Variants in IQGAP3 observed in about 807,000 individuals in gnomAD.
The protein encoded by IQGAP3 is ras GTPase-activating-like protein IQGAP3.
Under a neutral mutation model 208.2 loss-of-function variants are expected in IQGAP3, and 165 were observed. The ratio of observed to expected loss-of-function variants is 0.79; its 90% confidence interval spans 0.70 to 0.90. The LOEUF (loss-of-function observed/expected upper bound fraction) is 0.90, where lower values mean the gene tolerates loss of function less well. Among genes scored for constraint, IQGAP3 ranks in the 40% least tolerant of loss-of-function variants. The probability of loss-of-function intolerance (pLI) is 0.00; values close to 1 mark genes in which losing one functional copy is unlikely to be tolerated. For missense variants in IQGAP3, 1,811 were observed against 2,043.1 expected (o/e 0.89, Z 2.19); for synonymous variants, 703 against 803.6 (o/e 0.87, Z 2.12).
At chr1:156,550,521 C>T (rs1382588119) in intron 15 of IQGAP3, among the ~76,000 whole-genome samples, 170 bp from the exon 16 acceptor site, 1 of 152,156 alleles carries the variant, frequency 6.6e-6, no homozygotes, top group East Asian at 1.9e-4. Context: ...CATGTGGTTC[C>T]CTGGGACGCG....
chr1:156,552,737 C>T (rs1675614480), intron 13 of IQGAP3, among the ~76,000 whole-genome samples: 1 of 152,196 alleles, frequency 6.6e-6, no homozygotes, highest in Admixed American at 6.5e-5. Flanking sequence ...CCCTTGTACT[C>T]CTGCAGTCAG....
At position 156,548,634 on chromosome 1, in the gene IQGAP3, G is replaced by A. The variant is rs753891939; in HGVS notation, c.1940C>T (p.Ala647Val). The part of the protein sequence containing the change: ...VALRGVVPDC[A>V]NGYQRALESA... ...TTCCAGGGCTCGCTGGTAGCCGTTG[G>A]CACAGTCGGGAACTACCCCTCGAAG... Residue 647 changes from alanine (A) to valine (V), a missense_variant, in exon 17 of 38, where the codon GCC becomes GTC. Ala to Val is a moderately conservative substitution (Grantham distance 64, BLOSUM62 0). Transcript: ENST00000361170. 23 of 1,611,064 alleles carry A rather than the reference G, an allele frequency of 1.4e-5. No homozygotes were observed. The Admixed American group carries it at 2.5e-4, about 18-fold the overall frequency.
At chr1:156,528,256 G>A (rs1353909174) in intron 36 of IQGAP3, among the ~76,000 whole-genome samples, 196 bp from the exon 37 acceptor site, 2 of 151,964 alleles carry the variant, frequency 1.3e-5, no homozygotes, top group Admixed American at 6.6e-5. Context: ...TATCTGCCCC[G>A]CCCTACGCAG....
chr1:156,539,601 G>A, intron 24 of IQGAP3, 64 bp from the exon 25 acceptor site: 1 of 1,536,802 alleles, frequency 6.5e-7, no homozygotes, highest in Non-Finnish European at 9.0e-7. Context: ...GATAGGATAA[G>A]GAAAGGCTTT....
chr1:156,546,714 C>T lies in IQGAP3; in HGVS notation c.2304+1359G>A, dbSNP rs189356639. On this transcript the variant is annotated intron_variant, in intron 19 of 37. Coordinates refer to ENST00000361170, the MANE Select transcript of IQGAP3 (RefSeq NM_178229.5). ...TGCTAGAGAGGGCATAAGTAAGGTG[C>T]CCAATGTCATATGACCCAGAAGTGG... is the stretch of plus-strand genomic sequence containing the variant. Among the ~76,000 whole-genome samples the T allele has an allele frequency of 3.9e-3, 597 of 152,246 alleles. 3 individuals carry two copies. The highest frequency in any genetic ancestry group is 0.031 in the South Asian group (148 of 4,820).
chr1:156,538,909 G>A lies in IQGAP3; in HGVS notation c.3181C>T (p.Gln1061Ter). 1 of 1,614,132 alleles carries A rather than the reference G, an allele frequency of 6.2e-7. No individual in the cohort carries two copies. The highest frequency in any genetic ancestry group is 8.5e-7 in the Non-Finnish European group (1 of 1,180,008). ...AGCACTTTGTCTTCTAGCACATCCT[G>A]GATAACCTTGCCCAGAATCTCCTGC... ...ALQEILGKVI[Q>*]DVLEDKVLSV... The change falls in exon 26 of 38, where the codon CAG becomes TAG. Residue 1061 changes from glutamine to a stop codon, truncating the protein, a stop_gained. Coordinates refer to ENST00000361170, the MANE Select transcript of IQGAP3 (RefSeq NM_178229.5). LOFTEE classifies it high-confidence loss of function.
chr1:156,565,550 C>T (rs1676364101), intron 4 of IQGAP3, among the ~76,000 whole-genome samples: 1 of 152,214 alleles, frequency 6.6e-6, no homozygotes, highest in Non-Finnish European at 1.5e-5. Flanking sequence ...TGTGATCTTC[C>T]TGACAACACT....
In IQGAP3 at chr1:156,552,099, G is replaced by A. The variant is rs1484754223; in HGVS notation, c.1449-4C>T. ...TTTCAGCAGGGCATCGAAGTAACTG[G>A]CAGTGGGGTGAAGGGCAGAGAGGTG... On this transcript the variant is annotated splice_region_variant and splice_polypyrimidine_tract_variant and intron_variant, in intron 13 of 37. Transcript: ENST00000361170. 1 of 1,613,798 alleles carries A rather than the reference G, an allele frequency of 6.2e-7. No homozygotes were observed. The highest frequency in any genetic ancestry group is 2.2e-5 in the East Asian group (1 of 44,884).
intron 1 of IQGAP3, 69 bp from the exon 2 acceptor site, chr1:156,569,532 T>TTC (rs1676550296): frequency 1.5e-6 from 1 of 666,884 alleles, no homozygotes; most frequent in Admixed American, 3.7e-5. Context: ...AAGGGTCTTT[T>TTC]TTTTTTTTTT....
rs753851719 is a variant in IQGAP3 at position 156,550,356 on chromosome 1, C to G, written c.1735-5G>C. The G allele has an allele frequency of 6.2e-7, 1 of 1,611,618 alleles. No homozygotes were observed. Reference sequence around the variant, plus strand: ...AGCTCCAGGATCCCCTGTCACCTGGCAGATTGAGGGAGAAAAAAAAGATGT... The same window carrying G: ...AGCTCCAGGATCCCCTGTCACCTGGGAGATTGAGGGAGAAAAAAAAGATGT... On this transcript the variant is annotated splice_region_variant and splice_polypyrimidine_tract_variant and intron_variant, in intron 15 of 37. Coordinates refer to ENST00000361170, the MANE Select transcript of IQGAP3 (RefSeq NM_178229.5).
intron 3 of IQGAP3, 27 bp from the exon 4 acceptor site, chr1:156,566,131 A>G (rs969939126): frequency 1.3e-6 from 2 of 1,587,394 alleles, no homozygotes; most frequent in Admixed American, 1.7e-5. Flanking sequence ...AAGAAAATCT[A>G]TTTCCACAGT....
At position 156,526,354 on chromosome 1, in the gene IQGAP3, G is replaced by A; in HGVS notation, c.*132C>T. 1 of 656,484 alleles carries A rather than the reference G, an allele frequency of 1.5e-6. No individual in the cohort carries two copies. The highest frequency in any genetic ancestry group is 2.7e-6 in the Non-Finnish European group (1 of 366,138). 40.7% of individuals were successfully genotyped at this position (656,484 alleles called of 1,614,324 possible). The stretch of plus-strand genomic sequence containing the variant: ...GGCAGGCAAGCTCCTCCCAGCTGGG[G>A]AAGGGGTGAGAATCCCTGGGCCTTG... On this transcript the variant is annotated 3_prime_UTR_variant, in exon 38 of 38. Coordinates refer to ENST00000361170, the MANE Select transcript of IQGAP3 (RefSeq NM_178229.5).
rs1377205039 is a variant in IQGAP3, at chr1:156,525,762, G to A, written c.*724C>T. 3 of 109,516 alleles carry A rather than the reference G, an allele frequency of 2.7e-5. No individual in the cohort carries two copies. The highest frequency in any genetic ancestry group is 2.4e-4 in the East Asian group (1 of 4,108). 6.8% of individuals were successfully genotyped at this position (109,516 alleles called of 1,614,324 possible). On this transcript the variant is annotated 3_prime_UTR_variant, in exon 38 of 38. Transcript: ENST00000361170. Reference sequence around the variant, plus strand: ...AAAAAAAAAAAAAAAAAATGAAAGCGTTAAAACCCTGATTAAGTCTGCACA... The same window carrying A: ...AAAAAAAAAAAAAAAAAATGAAAGCATTAAAACCCTGATTAAGTCTGCACA...
chr1:156,537,180 C>G lies in IQGAP3; in HGVS notation c.3422+1G>C. ...GGCTGGGGTGGGGCTGTTGCACATA[C>G]GGAATTTGGTCCACAGATGAGGTGA... On this transcript the variant is annotated splice_donor_variant, in intron 27 of 37. Coordinates refer to ENST00000361170, the MANE Select transcript of IQGAP3 (RefSeq NM_178229.5). LOFTEE classifies it high-confidence loss of function. The G allele has an allele frequency of 1.2e-6, 2 of 1,612,348 alleles. No individual in the cohort carries two copies. Among genetic ancestry groups the G allele is most frequent in the Non-Finnish European group, 1.7e-6 (2 of 1,179,102 alleles).
intron 24 of IQGAP3, 118 bp downstream of exon 24, chr1:156,539,720 A>G: frequency 5.4e-6 from 7 of 1,293,210 alleles, no homozygotes; most frequent in Non-Finnish European, 7.7e-6. Flanking sequence ...GGGGATAAGG[A>G]ATTAAGATTA....
rs532031063 is a variant in IQGAP3 at position 156,562,013 on chromosome 1, T to A, written c.878-12A>T. 2 of 1,597,478 alleles carry A rather than the reference T, an allele frequency of 1.3e-6. No individual in the cohort carries two copies. The highest frequency in any genetic ancestry group is 1.8e-5 in the Admixed American group (1 of 57,110). On this transcript the variant is annotated splice_polypyrimidine_tract_variant and intron_variant, in intron 9 of 37. Transcript: ENST00000361170. ...TAGAGCCCCATGGACTGAAAAAAAATGACTCCATAATGGACAGTGTGAGAA... is the reference window on the plus strand; with the variant it reads ...TAGAGCCCCATGGACTGAAAAAAAAAGACTCCATAATGGACAGTGTGAGAA...
At position 156,539,756 on chromosome 1, in the gene IQGAP3, C is replaced by G. The variant is rs116794727; in HGVS notation, c.2892+82G>C. ...TGGGAAAGGACACCTTGCATGGTGC[C>G]AAACGCACAGACAAGAAGGCCTTGA... On this transcript the variant is annotated intron_variant, in intron 24 of 37. Coordinates refer to ENST00000361170, the MANE Select transcript of IQGAP3 (RefSeq NM_178229.5). 1,923 of 1,511,496 alleles carry G rather than the reference C, an allele frequency of 1.3e-3. 22 individuals carry two copies. The African/African-American group carries it at 0.023, about 18-fold the overall frequency. 93.6% of individuals were successfully genotyped at this position (1,511,496 alleles called of 1,614,324 possible). A position where few individuals can be genotyped will look rare whatever the true frequency, so the allele number is the denominator to read the frequency against.
In IQGAP3 at chr1:156,539,390, G is replaced by A. The variant is rs1436769524; in HGVS notation, c.3040C>T (p.Leu1014Phe). Residue 1014 changes from leucine to phenylalanine, a missense_variant, in exon 25 of 38, where the codon CTC (leucine) becomes TTC (phenylalanine). Transcript: ENST00000361170. ...YLLLQLFKTA[L>F]QEEIKSKVEQ... is the part of the protein sequence containing the mutation. ...AGAGCCTACTTGATTTCCTCCTGGA[G>A]TGCTGTCTTGAACAGCTGGAGCAGG... 5.6e-6 allele frequency: 9 copies of A among 1,613,844 alleles called. No homozygotes were observed. The African/African-American group carries it at 1.2e-4, about 22-fold the overall frequency.
chr1:156,563,847 G>A lies in IQGAP3; in HGVS notation c.438-23C>T, dbSNP rs369973262. On this transcript the variant is annotated intron_variant, in intron 5 of 37. Coordinates refer to ENST00000361170, the MANE Select transcript of IQGAP3 (RefSeq NM_178229.5). ...AGACTAGGAAAAAACGGAAGGCATT[G>A]GAAGGCACTGGGGCCTATTCATTTT... The A allele has an allele frequency of 3.8e-5, 61 of 1,602,084 alleles. No homozygotes were observed. The African/African-American group carries it at 5.7e-4, about 15-fold the overall frequency.
Sources: allele counts gnomAD v4.1 joint callset (sites outside exome capture counted in the v4.1 genomes callset), GRCh38; gene constraint gnomAD v4.1.1; transcripts MANE v1.5; gene names NCBI Gene and HGNC (gene_info 2026-07-23, HGNC 2026-07-21).